The following FAM185A variants were observed in gnomAD, a reference collection of about 807,000 sequenced individuals.
FAM185A encodes family with sequence similarity 185 member A, also known as protein FAM185A.
In FAM185A, 21 loss-of-function variants were observed where a neutral mutation model predicts 45.7. The ratio of observed to expected loss-of-function variants is 0.46; its 90% CI spans 0.33 to 0.66. The LOEUF (loss-of-function observed/expected upper bound fraction) is 0.66. Ranked by LOEUF, FAM185A falls within the 30% of genes least tolerant of loss-of-function variation. The pLI is 0.03. For missense variants in FAM185A, 305 were observed against 485.4 expected (o/e 0.63, Z 3.49); for synonymous variants, 117 against 194.0 (o/e 0.60, Z 3.30).
intron 6 of FAM185A, among the ~76,000 whole-genome samples, chr7:102,785,454 A>C (rs965382393): frequency 6.6e-6 from 1 of 151,990 alleles, no homozygotes; most frequent in African/African-American, 2.4e-5. Context: ...AGTAACCAAA[A>C]CAGCATGGTA....
chr7:102,850,700 A>G, the FAM185A span, among the ~76,000 whole-genome samples: 2 of 152,142 alleles, frequency 1.3e-5, no homozygotes, highest in Admixed American at 1.3e-4. Context: ...CCTTTTTGTT[A>G]TTAAAGAGTT....
the FAM185A span, chr7:102,822,056 A>G: frequency 6.2e-7 from 1 of 1,614,194 alleles, no homozygotes; most frequent in East Asian, 2.2e-5. Flanking sequence ...ATATTTGTGC[A>G]GTATTGCATC....
the FAM185A span, among the ~76,000 whole-genome samples, chr7:102,819,852 G>A: frequency 6.6e-5 from 10 of 152,134 alleles, no homozygotes; most frequent in African/African-American, 7.2e-5. Flanking sequence ...TACATACACT[G>A]TGCATTTCCA....
At chr7:102,820,160 CT>C in the FAM185A span, among the ~76,000 whole-genome samples, 1 of 152,226 alleles carries the variant, frequency 6.6e-6, no homozygotes, top group Non-Finnish European at 1.5e-5. Flanking sequence ...TTCTAGGCCT[CT>C]TTCCTGCTAG....
At chr7:102,801,328 A>C (rs754325674) in intron 7 of FAM185A, among the ~76,000 whole-genome samples, 3 of 152,216 alleles carry the variant, frequency 2.0e-5, no homozygotes, top group Non-Finnish European at 4.4e-5. Flanking sequence ...TTAAAAAAAA[A>C]ACAAAAAAAC....
the FAM185A span, among the ~76,000 whole-genome samples, chr7:102,824,490 T>C: frequency 6.6e-6 from 1 of 152,120 alleles, no homozygotes. Context: ...TTTTGCATCC[T>C]CTTTTTTTCT....
the FAM185A span, among the ~76,000 whole-genome samples, chr7:102,814,673 A>G: frequency 1.3e-5 from 2 of 152,228 alleles, no homozygotes; most frequent in Non-Finnish European, 2.9e-5. Context: ...AGCAATTATC[A>G]TATACTAATT....
At chr7:102,765,604 T>C (rs2129434986) in intron 4 of FAM185A, among the ~76,000 whole-genome samples, 1 of 152,276 alleles carries the variant, frequency 6.6e-6, no homozygotes, top group Non-Finnish European at 1.5e-5. Flanking sequence ...CCTTGCAAGT[T>C]GATTCCTATG....
chr7:102,834,098 G>GGAAGGAAGGA, the FAM185A span, among the ~76,000 whole-genome samples: 14 of 93,930 alleles, frequency 1.5e-4, no homozygotes, highest in African/African-American at 5.1e-4. Context: ...AAGAAAGAAA[G>GGAAGGAAGGA]AAAGAAAGAA....
rs571608531 is a variant in FAM185A at position 102,782,902 on chromosome 7, A to G, written c.932-4433A>G. 7.8e-3 allele frequency among the ~76,000 whole-genome samples: 1,187 copies of G among 151,552 alleles called. 17 individuals carry two copies. The highest frequency in any genetic ancestry group is 0.027 in the African/African-American group (1,130 of 41,252). On this transcript the variant is annotated intron_variant, in intron 6 of 7. Coordinates refer to ENST00000413034, the MANE Select transcript of FAM185A (RefSeq NM_001145268.2). Reference sequence around the variant, plus strand: ...CCCATCAGTGTGCTGTATTCAGGAAACCCATCTCACGTGCAGAGACACACA... The same window carrying G: ...CCCATCAGTGTGCTGTATTCAGGAAGCCCATCTCACGTGCAGAGACACACA...
chr7:102,767,702 G>C (rs1474731360), intron 4 of FAM185A, among the ~76,000 whole-genome samples: 1 of 152,052 alleles, frequency 6.6e-6, no homozygotes, highest in Non-Finnish European at 1.5e-5. Context: ...CTCTAGCCCT[G>C]ACTAATTTAT....
chr7:102,813,067 T>A (rs1015178149), downstream of FAM185A, among the ~76,000 whole-genome samples: 1 of 152,124 alleles, frequency 6.6e-6, no homozygotes, highest in Non-Finnish European at 1.5e-5. Flanking sequence ...GGTCTTGAAC[T>A]CCTGACTTAT....
Position 102,791,059 on chromosome 7 carries a change from G to A in FAM185A, c.1066+3590G>A, listed in dbSNP as rs1420765362. On this transcript the variant is annotated intron_variant, in intron 7 of 7. Transcript: ENST00000413034. Reference sequence around the variant, plus strand: ...AGAACACAGGGGTGAGGAAGTGAGAGAAGTCAAATATGGCCAAAGTATAGA... The same window carrying A: ...AGAACACAGGGGTGAGGAAGTGAGAAAAGTCAAATATGGCCAAAGTATAGA... Among the ~76,000 whole-genome samples the A allele has an allele frequency of 2.0e-5, 3 of 152,250 alleles. No homozygotes were observed. The East Asian group carries it at 5.8e-4, about 29-fold the overall frequency.
chr7:102,750,913 GT>G (rs1793325182), intron 1 of FAM185A, among the ~76,000 whole-genome samples: 1 of 152,060 alleles, frequency 6.6e-6, no homozygotes, highest in African/African-American at 2.4e-5. Flanking sequence ...TTGTTTGTTT[GT>G]TTTGGTTTTT....
intron 7 of FAM185A, among the ~76,000 whole-genome samples, chr7:102,806,787 T>G (rs1286672171): frequency 2.0e-5 from 3 of 152,182 alleles, no homozygotes; most frequent in Non-Finnish European, 2.9e-5. Context: ...GCCTATGACC[T>G]TGAAAGAGTT....
chr7:102,815,266 A>G, the FAM185A span, among the ~76,000 whole-genome samples: 5 of 152,186 alleles, frequency 3.3e-5, no homozygotes, highest in Admixed American at 2.0e-4. Context: ...TTTCTATTAC[A>G]TAGCTTCAGG....
At chr7:102,783,178 T>TA (rs1340705416) in intron 6 of FAM185A, among the ~76,000 whole-genome samples, 2 of 151,116 alleles carry the variant, frequency 1.3e-5, no homozygotes, top group Non-Finnish European at 2.9e-5. Flanking sequence ...CAAGGAGACT[T>TA]AGACTCCCAC....
At chr7:102,834,405 T>TTA in the FAM185A span, among the ~76,000 whole-genome samples, 3 of 146,412 alleles carry the variant, frequency 2.0e-5, no homozygotes, top group Non-Finnish European at 4.5e-5. Context: ...TTATATGCGA[T>TTA]TATATATATA....
chr7:102,797,855 A>ATGTT (rs1796528917), intron 7 of FAM185A, among the ~76,000 whole-genome samples: 1 of 152,228 alleles, frequency 6.6e-6, no homozygotes, highest in Admixed American at 6.5e-5. Flanking sequence ...CAAACAAAGA[A>ATGTT]TGTTACAGGG....
Sources: gnomAD v4.1 joint callset for allele counts (sites outside exome capture counted in the v4.1 genomes callset) on GRCh38, gnomAD v4.1.1 for gene constraint, MANE v1.5 for transcripts, NCBI Gene and HGNC (gene_info 2026-07-23, HGNC 2026-07-21) for gene names.